The following CRACDL variants were observed in gnomAD, a reference collection of about 807,000 sequenced individuals.
CRACDL encodes the protein CRACD like, also known as CRACD-like protein.
CRACDL carries 26 observed loss-of-function variants against 70.6 expected under a neutral mutation model. The observed-to-expected ratio is 0.37, with a 90% confidence interval of 0.27 to 0.51. The LOEUF is 0.51. Among genes scored for constraint, CRACDL ranks in the 20% least tolerant of loss-of-function variants. The pLI is 0.94. For synonymous variants in CRACDL, 618 were observed against 615.2 expected (o/e 1.00, Z -0.07); for missense variants, 1,283 against 1,376.9 (o/e 0.93, Z 1.08).
intron 1 of CRACDL, among the ~76,000 whole-genome samples, chr2:98,904,903 G>A (rs1293835413): frequency 1.3e-5 from 2 of 152,178 alleles, no homozygotes; most frequent in African/African-American, 4.8e-5. Context: ...CCTCCTGAAT[G>A]CTTTGGTGTC....
intron 1 of CRACDL, 97 bp from the exon 2 acceptor site, chr2:98,846,907 C>G: frequency 1.0e-6 from 1 of 967,130 alleles, no homozygotes; most frequent in Non-Finnish European, 1.7e-6. Context: ...ATGATCTGGC[C>G]TGCACACACC....
intron 1 of CRACDL, among the ~76,000 whole-genome samples, chr2:98,874,680 G>C (rs1017953430): frequency 2.0e-5 from 3 of 152,202 alleles, no homozygotes; most frequent in African/African-American, 7.2e-5. Context: ...GCAAGGAATG[G>C]TGACAGAACC....
rs565143391 is a variant in CRACDL, at chr2:98,847,169, A to T, written c.-10-359T>A. Among the ~76,000 whole-genome samples, 3 of 152,306 alleles carry T rather than the reference A, an allele frequency of 2.0e-5. No homozygotes were observed. The East Asian group carries it at 5.8e-4, about 29-fold the overall frequency. The stretch of plus-strand genomic sequence containing the variant: ...AGGAAGTTTGGAAAATAGAATGAAA[A>T]TCACCCATAATCCAACCAACCAAGG... On this transcript the variant is annotated intron_variant, in intron 1 of 9. Transcript: ENST00000397899.
intron 2 of CRACDL, chr2:98,840,559 C>T (rs1177883303): frequency 1.3e-5 from 2 of 151,944 alleles, no homozygotes; most frequent in African/African-American, 2.4e-5. Flanking sequence ...ATTTTTAAAG[C>T]GTTTGTTTTA....
rs571671010 is a variant in CRACDL at position 98,822,270 on chromosome 2, G to T, written c.2003C>A (p.Pro668Gln). The change falls in exon 7 of 10, where the codon CCA becomes CAA. Residue 668 changes from proline to glutamine, a missense_variant. Physicochemically the swap from Pro to Gln is moderately conservative, Grantham distance 76 (BLOSUM62 -1). Coordinates refer to ENST00000397899, the MANE Select transcript of CRACDL (RefSeq NM_207362.3). This position sits in a 1 kb window ranked among gnomAD's most constrained non-coding sequence, Gnocchi z 4.9. Reference sequence around the variant, plus strand: ...ACTCGGGGCCGGCTCCTGGGCGGCTGGGCAGGGCTCTCTCGTGCCGGGCGC... The same window carrying T: ...ACTCGGGGCCGGCTCCTGGGCGGCTTGGCAGGGCTCTCTCGTGCCGGGCGC... ...AAAPGTREPC[P>Q]AAQEPAPSED... is the part of the protein sequence containing the mutation. The T allele has an allele frequency of 1.9e-6, 3 of 1,587,834 alleles. No individual in the cohort carries two copies. In the African/African-American group the frequency reaches 4.1e-5, roughly 22 times the overall value.
chr2:98,823,127 G>C lies in CRACDL; in HGVS notation c.1146C>G (p.Ala382=), dbSNP rs955537794. The change falls in exon 7 of 10, where the codon GCC becomes GCG. Residue 382 remains alanine (A), a synonymous_variant. Coordinates refer to ENST00000397899, the MANE Select transcript of CRACDL (RefSeq NM_207362.3). The surrounding 1 kb of genome is among the most constrained non-coding windows in gnomAD (Gnocchi z 4.0). ...DGEAPPAGPC[A]PATDKAEEVV... ...CCTCCTCCGCCTTGTCCGTGGCCGG[G>C]GCACACGGGCCTGCGGGGGGCGCCT... 3.8e-6 allele frequency: 6 copies of C among 1,570,686 alleles called. No homozygotes were observed. Among genetic ancestry groups the C allele is most frequent in the Non-Finnish European group, 5.2e-6 (6 of 1,161,970 alleles).
intron 1 of CRACDL, among the ~76,000 whole-genome samples, chr2:98,899,281 AGACGTT>A (rs1708205374): frequency 1.3e-5 from 2 of 152,254 alleles, no homozygotes; most frequent in African/African-American, 2.4e-5. Context: ...TCTTAACCTC[AGACGTT>A]AAGCCTTTTA....
intron 1 of CRACDL, among the ~76,000 whole-genome samples, chr2:98,880,099 T>C (rs1342741165): frequency 6.6e-6 from 1 of 152,238 alleles, no homozygotes; most frequent in African/African-American, 2.4e-5. Flanking sequence ...AATGCAGAGT[T>C]ATTAATACAG....
intron 1 of CRACDL, among the ~76,000 whole-genome samples, chr2:98,916,815 G>A (rs1433917225): frequency 6.6e-6 from 1 of 152,170 alleles, no homozygotes; most frequent in Non-Finnish European, 1.5e-5. Context: ...GTGGGGGCAT[G>A]GACACAGGGC....
intron 7 of CRACDL, among the ~76,000 whole-genome samples, chr2:98,798,302 G>A (rs907699257): frequency 5.9e-5 from 9 of 151,998 alleles, no homozygotes; most frequent in African/African-American, 1.2e-4. Flanking sequence ...CTGAGATCAC[G>A]CCATTGCACT....
chr2:98,880,471 T>C (rs1707616146), intron 1 of CRACDL, among the ~76,000 whole-genome samples: 3 of 152,148 alleles, frequency 2.0e-5, no homozygotes, highest in Admixed American at 2.0e-4. Context: ...AAAGGTAGCA[T>C]CATCAGGTGG....
intron 1 of CRACDL, among the ~76,000 whole-genome samples, chr2:98,849,985 C>A (rs1706417018): frequency 6.6e-6 from 1 of 152,180 alleles, no homozygotes; most frequent in Admixed American, 6.5e-5. Context: ...CAAGCACAAG[C>A]TGAGCCCTGC....
At chr2:98,821,797 T>C (rs1705041028) in intron 7 of CRACDL, 60 bp downstream of exon 7, 1 of 1,571,520 alleles carries the variant, frequency 6.4e-7, no homozygotes, top group Non-Finnish European at 8.6e-7. Flanking sequence ...CAGCAAGATG[T>C]GCCCGTGGAT....
intron 1 of CRACDL, among the ~76,000 whole-genome samples, chr2:98,921,183 G>A (rs1171379732): frequency 6.6e-6 from 1 of 152,152 alleles, no homozygotes; most frequent in East Asian, 1.9e-4. Context: ...ACGTGCTCAG[G>A]CAAAGGCTAA....
Position 98,797,367 on chromosome 2 carries a change from C to T in CRACDL, c.2587G>A (p.Val863Met), listed in dbSNP as rs192103922. ...LKSEPGKQAK[V>M]PERGQEPVKQ... is the part of the protein sequence containing the mutation. ...CTAAGCACCTGGCCTCTCTCGGGCA[C>T]CTTGGCTTGCTTTCCTGGTTCAGAC... Residue 863 changes from valine (V) to methionine (M), a missense_variant, in exon 8 of 10, where the codon GTG (valine) becomes ATG (methionine). Physicochemically the swap from Val to Met is conservative, Grantham distance 21. This residue lies in a region of CRACDL where 921 missense variants were observed against 881.9 expected (regional missense o/e 1.04). Transcript: ENST00000397899. The T allele has an allele frequency of 1.2e-6, 2 of 1,614,184 alleles. No homozygotes were observed. Among genetic ancestry groups the T allele is most frequent in the African/African-American group, 2.7e-5 (2 of 75,050 alleles).
intron 1 of CRACDL, among the ~76,000 whole-genome samples, chr2:98,898,779 G>A (rs928753887): frequency 3.4e-4 from 51 of 152,208 alleles, no homozygotes; most frequent in African/African-American, 1.0e-3. Context: ...CAGAGCCGCC[G>A]CCGCTGTGTT....
At chr2:98,888,077 C>T (rs554057839) in intron 1 of CRACDL, among the ~76,000 whole-genome samples, 1 of 152,034 alleles carries the variant, frequency 6.6e-6, no homozygotes, top group Non-Finnish European at 1.5e-5. Flanking sequence ...TGAATTTCAC[C>T]TCAATTTTTA....
intron 1 of CRACDL, among the ~76,000 whole-genome samples, chr2:98,848,231 C>T (rs1156734145): frequency 6.6e-6 from 1 of 152,186 alleles, no homozygotes; most frequent in Non-Finnish European, 1.5e-5. Context: ...TATCAAACAG[C>T]AGAATGATAG....
At chr2:98,884,948 C>T (rs998889340) in intron 1 of CRACDL, among the ~76,000 whole-genome samples, 1 of 152,172 alleles carries the variant, frequency 6.6e-6, no homozygotes, top group Non-Finnish European at 1.5e-5. Context: ...TGGACTTGGG[C>T]CTTCCAGAGA....
Sources: allele counts gnomAD v4.1 joint callset (sites outside exome capture counted in the v4.1 genomes callset), GRCh38; gene constraint gnomAD v4.1.1; regional missense constraint gnomAD v4.1.1; non-coding constraint Gnocchi (gnomAD v3.1); transcripts MANE v1.5; gene names NCBI Gene and HGNC (gene_info 2026-07-23, HGNC 2026-07-21).